PCDH17: variants seen among roughly 807,000 people sequenced by gnomAD.
The protein encoded by PCDH17 is protocadherin 17.
A neutral mutation model predicts 67.7 loss-of-function variants in PCDH17; 21 were observed. The ratio of observed to expected loss-of-function variants is 0.31; its 90% confidence interval spans 0.22 to 0.45. The LOEUF is 0.45. Among genes scored for constraint, PCDH17 ranks in the 20% least tolerant of loss-of-function variants. The probability of loss-of-function intolerance (pLI) is 1.00; values close to 1 mark genes in which losing one functional copy is unlikely to be tolerated. For missense variants in PCDH17, 1,471 were observed against 1,564.8 expected (o/e 0.94, Z 1.01); for synonymous variants, 701 against 656.7 (o/e 1.07, Z -1.03).
chr13:57,724,553 G>A (rs1487633530), intron 3 of PCDH17, 59 bp from the exon 4 acceptor site: 2 of 1,414,786 alleles, frequency 1.4e-6, no homozygotes, highest in Admixed American at 3.8e-5. Flanking sequence ...CACAGCCTCT[G>A]TAGAAATTTA....
At chr13:57,683,057 G>A (rs933509159) in intron 3 of PCDH17, among the ~76,000 whole-genome samples, 12 of 151,774 alleles carry the variant, frequency 7.9e-5, no homozygotes, top group Middle Eastern at 3.2e-3. Flanking sequence ...GAGCTTTTGC[G>A]TGACTAAGCC....
intron 3 of PCDH17, among the ~76,000 whole-genome samples, chr13:57,723,070 T>C (rs888583834): frequency 4.6e-5 from 7 of 152,232 alleles, no homozygotes; most frequent in African/African-American, 1.2e-4. Context: ...GGATGCACTG[T>C]GTGACTGCTT....
intron 3 of PCDH17, among the ~76,000 whole-genome samples, chr13:57,673,113 T>C (rs1188447471): frequency 6.6e-6 from 1 of 151,984 alleles, no homozygotes; most frequent in Non-Finnish European, 1.5e-5. Context: ...TCAGTAAATG[T>C]ACTTAATCTA....
chr13:57,703,599 C>G (rs970750738), intron 3 of PCDH17, among the ~76,000 whole-genome samples: 1 of 152,052 alleles, frequency 6.6e-6, no homozygotes, highest in Non-Finnish European at 1.5e-5. Context: ...TATTATAACT[C>G]AAATTAATTA....
intron 3 of PCDH17, among the ~76,000 whole-genome samples, chr13:57,681,757 A>G (rs1331192075): frequency 1.3e-5 from 2 of 151,818 alleles, no homozygotes; most frequent in Non-Finnish European, 2.9e-5. Flanking sequence ...TATATGGTCT[A>G]TCTCCCCATT....
In PCDH17 at chr13:57,633,023, C is replaced by T. The variant is rs767246108; in HGVS notation, c.477C>T (p.Pro159=). 1.2e-6 allele frequency: 2 copies of T among 1,612,824 alleles called. No individual in the cohort carries two copies. Among genetic ancestry groups the T allele is most frequent in the South Asian group, 1.1e-5 (1 of 91,052 alleles). The change falls in exon 1 of 4, where the codon CCC becomes CCT. Residue 159 remains proline (P), a synonymous_variant. Transcript: ENST00000377918. The surrounding 1 kb of genome is among the most constrained non-coding windows in gnomAD (Gnocchi z 6.2). Reference sequence around the variant, plus strand: ...TCCCCCTCACCAGCGCACATGACCCCGACGCCGGCGAGAATGGGCTCCGCA... The same window carrying T: ...TCCCCCTCACCAGCGCACATGACCCTGACGCCGGCGAGAATGGGCTCCGCA... ...TRFPLTSAHD[P]DAGENGLRTY...
At chr13:57,661,074 G>A (rs997222625) in intron 1 of PCDH17, among the ~76,000 whole-genome samples, 3 of 152,166 alleles carry the variant, frequency 2.0e-5, no homozygotes, top group Non-Finnish European at 2.9e-5. Flanking sequence ...CGTAAGAAAT[G>A]GCCAGGTTGT....
chr13:57,674,480 A>G (rs1023576807), intron 3 of PCDH17, among the ~76,000 whole-genome samples: 1 of 151,674 alleles, frequency 6.6e-6, no homozygotes, highest in Non-Finnish European at 1.5e-5. Flanking sequence ...ACACACCACT[A>G]TACCTGGCTA....
chr13:57,706,281 A>G (rs1174771466), intron 3 of PCDH17, among the ~76,000 whole-genome samples: 1 of 152,134 alleles, frequency 6.6e-6, no homozygotes, highest in Admixed American at 6.6e-5. Context: ...ATGTACTTAC[A>G]TCTTTTGCCA....
In PCDH17 at chr13:57,727,624, T is replaced by C. The variant is rs913436961; in HGVS notation, c.*2330T>C. ...ACTCTTGGTTTTTATTACTCATAAA[T>C]GTTTAAATTAGAAAAGAAGGGACCT... On this transcript the variant is annotated 3_prime_UTR_variant, in exon 4 of 4. Coordinates refer to ENST00000377918, the MANE Select transcript of PCDH17 (RefSeq NM_001040429.3). 6.6e-5 allele frequency: 10 copies of C among 152,124 alleles called. No homozygotes were observed. The highest frequency in any genetic ancestry group is 1.7e-4 in the African/African-American group (7 of 41,450). 9.4% of individuals were successfully genotyped at this position (152,124 alleles called of 1,614,324 possible). A position where few individuals can be genotyped will look rare whatever the true frequency, so the allele number is the denominator to read the frequency against.
chr13:57,669,996 G>C (rs988760943), intron 3 of PCDH17, among the ~76,000 whole-genome samples: 1 of 151,934 alleles, frequency 6.6e-6, no homozygotes, highest in East Asian at 1.9e-4. Flanking sequence ...GCATTTATAG[G>C]TAGGAAAGTA....
At chr13:57,675,197 A>G (rs1955377440) in intron 3 of PCDH17, among the ~76,000 whole-genome samples, 1 of 151,942 alleles carries the variant, frequency 6.6e-6, no homozygotes, top group African/African-American at 2.4e-5. Flanking sequence ...GTCTCAATCC[A>G]GACGTACCCA....
intron 3 of PCDH17, among the ~76,000 whole-genome samples, chr13:57,719,536 AT>A (rs1325781258): frequency 6.6e-6 from 1 of 152,090 alleles, no homozygotes; most frequent in Non-Finnish European, 1.5e-5. Flanking sequence ...GTGTACAAAT[AT>A]GTAAGTTCCC....
At chr13:57,672,562 G>A (rs1593916924) in intron 3 of PCDH17, among the ~76,000 whole-genome samples, 1 of 151,992 alleles carries the variant, frequency 6.6e-6, no homozygotes, top group Non-Finnish European at 1.5e-5. Context: ...GGAAATAGAA[G>A]TTGAGGCTCG....
At chr13:57,694,783 C>A (rs976798674) in intron 3 of PCDH17, among the ~76,000 whole-genome samples, 6 of 150,614 alleles carry the variant, frequency 4.0e-5, no homozygotes, top group African/African-American at 1.5e-4. Flanking sequence ...ATAATTGTTC[C>A]ATTTTAATAG....
intron 3 of PCDH17, among the ~76,000 whole-genome samples, chr13:57,697,721 A>G (rs1955624387): frequency 1.3e-5 from 2 of 151,744 alleles, no homozygotes; most frequent in Admixed American, 6.6e-5. Context: ...AATGAAATAA[A>G]ACACAGACTA....
At chr13:57,671,797 A>C (rs1156459282) in intron 3 of PCDH17, among the ~76,000 whole-genome samples, 1 of 152,044 alleles carries the variant, frequency 6.6e-6, no homozygotes, top group Non-Finnish European at 1.5e-5. Context: ...AGAATTGTAC[A>C]GGAGAATTCT....
chr13:57,717,284 T>C (rs1955826418), intron 3 of PCDH17, among the ~76,000 whole-genome samples: 1 of 151,944 alleles, frequency 6.6e-6, no homozygotes, highest in African/African-American at 2.4e-5. Context: ...TGCCATAAAT[T>C]CCCAATGCAT....
intron 1 of PCDH17, among the ~76,000 whole-genome samples, chr13:57,653,995 G>C (rs909013106): frequency 1.3e-5 from 2 of 152,094 alleles, no homozygotes; most frequent in Non-Finnish European, 2.9e-5. Flanking sequence ...TCTTGTGAGG[G>C]AGGTCTGTGT....
Sources: gnomAD v4.1 joint callset for allele counts (sites outside exome capture counted in the v4.1 genomes callset) on GRCh38, gnomAD v4.1.1 for gene constraint, Gnocchi (gnomAD v3.1) non-coding constraint, MANE v1.5 for transcripts, NCBI Gene and HGNC (gene_info 2026-07-23, HGNC 2026-07-21) for gene names.